Variants in DYNC1LI1 observed in about 807,000 individuals in gnomAD.
The protein encoded by DYNC1LI1 is dynein cytoplasmic 1 light intermediate chain 1.
A neutral mutation model predicts 63.8 loss-of-function variants in DYNC1LI1; 19 were observed. The observed-to-expected ratio is 0.30, with a 90% CI of 0.21 to 0.44. DYNC1LI1 has a LOEUF of 0.44. Among genes scored for constraint, DYNC1LI1 ranks in the 20% least tolerant of loss-of-function variants. The probability of loss-of-function intolerance (pLI) is 1.00; values close to 1 mark genes in which losing one functional copy is unlikely to be tolerated. For synonymous variants in DYNC1LI1, 225 were observed against 232.3 expected, an observed-to-expected ratio of 0.97 and a Z score of 0.28; for missense variants, 565 against 630.2, an observed-to-expected ratio of 0.90 and a Z score of 1.11.
chr3:32,561,903 TA>T (rs989970875), intron 2 of DYNC1LI1, among the ~76,000 whole-genome samples: 9 of 151,024 alleles, frequency 6.0e-5, no homozygotes, highest in African/African-American at 1.2e-4. Flanking sequence ...TACATGACAT[TA>T]AAAAAAAATC....
intron 5 of DYNC1LI1, among the ~76,000 whole-genome samples, chr3:32,540,667 G>A (rs1259063158): frequency 7.7e-6 from 1 of 129,602 alleles, no homozygotes; most frequent in Non-Finnish European, 1.6e-5. Context: ...GGCAACAAGA[G>A]CAAAACTCCG....
Position 32,549,798 on chromosome 3 carries a change from AT to A in DYNC1LI1, c.221-3834del, listed in dbSNP as rs563364766. Among the ~76,000 whole-genome samples, 19 of 152,290 alleles carry A rather than the reference AT, an allele frequency of 1.2e-4. No individual in the cohort carries two copies. The South Asian group carries it at 3.9e-3, about 32-fold the overall frequency. On this transcript the variant is annotated intron_variant, in intron 2 of 12. Transcript: ENST00000273130. ...AAACATATTGTACACAATATACACA[AT>A]TTTTGTCAGTTTTAAAAAAGTGAAA...
chr3:32,541,128 T>G lies in DYNC1LI1; in HGVS notation c.647A>C (p.Gln216Pro). 2.5e-6 allele frequency: 4 copies of G among 1,613,770 alleles called. No individual in the cohort carries two copies. The highest frequency in any genetic ancestry group is 3.4e-6 in the Non-Finnish European group (4 of 1,179,756). ...ASPQRRNTAS[Q>P]EDKDDSVVLP... ...AACTACACTGTCATCTTTGTCTTCT[T>G]GTGACGCAGTATTTCTTCTCTGGGG... is the stretch of plus-strand genomic sequence containing the variant. The change falls in exon 5 of 13, where the codon CAA becomes CCA. Residue 216 changes from glutamine to proline, a missense_variant. Gln to Pro is a moderately conservative substitution (Grantham distance 76). Transcript: ENST00000273130.
At chr3:32,527,701 C>T (rs1283154326) in intron 12 of DYNC1LI1, among the ~76,000 whole-genome samples, 6 of 152,074 alleles carry the variant, frequency 3.9e-5, no homozygotes, top group East Asian at 1.9e-4. Context: ...CACACAAAAA[C>T]GGATGTTCAA....
chr3:32,549,760 T>C (rs961262551), intron 2 of DYNC1LI1, among the ~76,000 whole-genome samples: 10 of 152,184 alleles, frequency 6.6e-5, no homozygotes, highest in African/African-American at 2.4e-4. Context: ...TCCCACAATG[T>C]ACACACATTT....
intron 2 of DYNC1LI1, 128 bp downstream of exon 2, chr3:32,570,218 T>C (rs1474756815): frequency 1.2e-6 from 1 of 809,000 alleles, no homozygotes; most frequent in African/African-American, 1.7e-5. Context: ...CCGCGACAGG[T>C]CGGGAGGCGA....
At chr3:32,544,385 G>C (rs186116320) in intron 4 of DYNC1LI1, among the ~76,000 whole-genome samples, 1 of 152,074 alleles carries the variant, frequency 6.6e-6, no homozygotes, top group South Asian at 2.1e-4. Flanking sequence ...AGGAGAAAAG[G>C]CATCTCTACT....
chr3:32,570,285 G>C, intron 2 of DYNC1LI1, 61 bp downstream of exon 2: 4 of 1,371,528 alleles, frequency 2.9e-6, no homozygotes, highest in Non-Finnish European at 2.0e-6. Flanking sequence ...GCTAGCCCGC[G>C]GACCAGGTAC....
chr3:32,570,794 C>T lies in DYNC1LI1; in HGVS notation c.-24G>A, dbSNP rs367922212. The T allele has an allele frequency of 5.1e-5, 82 of 1,594,376 alleles. No homozygotes were observed. The highest frequency in any genetic ancestry group is 5.0e-4 in the Middle Eastern group (3 of 6,018). On this transcript the variant is annotated 5_prime_UTR_variant, in exon 1 of 13. Transcript: ENST00000273130. The stretch of plus-strand genomic sequence containing the variant: ...ATCTTGGTCGGGAATCACACCACTC[C>T]CGGCAAGACTAAATGTGCGAGGCGG...
chr3:32,542,059 G>A (rs1697889556), intron 4 of DYNC1LI1, among the ~76,000 whole-genome samples: 1 of 152,118 alleles, frequency 6.6e-6, no homozygotes, highest in Non-Finnish European at 1.5e-5. Flanking sequence ...ATAAATAAAA[G>A]AAGGCCAACG....
chr3:32,528,397 T>C (rs1258650094), intron 12 of DYNC1LI1, 49 bp downstream of exon 12: 1 of 1,606,500 alleles, frequency 6.2e-7, no homozygotes, highest in Admixed American at 1.7e-5. Context: ...TCATTATATC[T>C]CAAAAAAGCT....
intron 1 of DYNC1LI1, 35 bp downstream of exon 1, chr3:32,570,590 G>A (rs1221865594): frequency 4.5e-6 from 7 of 1,545,614 alleles, no homozygotes; most frequent in South Asian, 1.2e-5. Context: ...GGCCGGGGGA[G>A]CCAGCGGGGG....
chr3:32,563,484 G>A (rs1698219873), intron 2 of DYNC1LI1, among the ~76,000 whole-genome samples: 1 of 151,924 alleles, frequency 6.6e-6, no homozygotes, highest in Non-Finnish European at 1.5e-5. Context: ...TAGAAATGGG[G>A]TTTCATCATG....
Position 32,570,658 on chromosome 3 carries a change from G to A in DYNC1LI1, c.113C>T (p.Ala38Val), listed in dbSNP as rs1362350843. ...NEIASGNGGAAAGDDEDGQNL... is the reference protein window; with the variant it reads ...NEIASGNGGAVAGDDEDGQNL... The stretch of plus-strand genomic sequence containing the variant: ...CTGCCCGTCCTCGTCGTCGCCTGCC[G>A]CGGCGCCACCGTTGCCCGACGCTAT... The change falls in exon 1 of 13, where the codon GCG (alanine) becomes GTG (valine). Residue 38 changes from alanine to valine, a missense_variant. By Grantham distance (64) the Ala-to-Val change is moderately conservative. Coordinates refer to ENST00000273130, the MANE Select transcript of DYNC1LI1 (RefSeq NM_016141.4). 3 of 1,597,912 alleles carry A rather than the reference G, an allele frequency of 1.9e-6. No individual in the cohort carries two copies. Among genetic ancestry groups the A allele is most frequent in the Non-Finnish European group, 2.6e-6 (3 of 1,172,960 alleles).
At position 32,558,784 on chromosome 3, in the gene DYNC1LI1, T is replaced by G. The variant is rs570355673; in HGVS notation, c.220+11562A>C. ...TCCCTTGAACCCAGGAGGCAGAGGC[T>G]GCGGTAAGCCAAGATCGCACCATTG... On this transcript the variant is annotated intron_variant, in intron 2 of 12. Coordinates refer to ENST00000273130, the MANE Select transcript of DYNC1LI1 (RefSeq NM_016141.4). 1.2e-4 allele frequency among the ~76,000 whole-genome samples: 18 copies of G among 151,536 alleles called. No individual in the cohort carries two copies. The South Asian group carries it at 1.3e-3, about 11-fold the overall frequency.
At chr3:32,549,292 T>C (rs1698000665) in intron 2 of DYNC1LI1, among the ~76,000 whole-genome samples, 1 of 150,732 alleles carries the variant, frequency 6.6e-6, no homozygotes, top group Non-Finnish European at 1.5e-5. Flanking sequence ...AAAATAAGTA[T>C]ATCTAGTTGC....
rs757879119 is a variant in DYNC1LI1 at position 32,570,407 on chromosome 3, G to A, written c.159C>T (p.Leu53=). The A allele has an allele frequency of 6.2e-7, 1 of 1,603,770 alleles. No homozygotes were observed. The highest frequency in any genetic ancestry group is 1.1e-5 in the South Asian group (1 of 89,358). ...EDGQNLWSCI[L]SEVSTRSRSK... ...AGCGCGAGCGGGTGGAGACCTCGCTGAGGATGCAGGACCTAACGGGAAGCA... is the reference window on the plus strand; with the variant it reads ...AGCGCGAGCGGGTGGAGACCTCGCTAAGGATGCAGGACCTAACGGGAAGCA... The change falls in exon 2 of 13, where the codon CTC becomes CTT. Residue 53 remains leucine (L), a synonymous_variant. Transcript: ENST00000273130.
intron 2 of DYNC1LI1, among the ~76,000 whole-genome samples, chr3:32,568,376 T>C (rs937372001): frequency 2.0e-5 from 3 of 152,208 alleles, no homozygotes; most frequent in African/African-American, 7.2e-5. Context: ...GTAACCAGTA[T>C]ACAAATCAGT....
At chr3:32,570,549 G>C in intron 1 of DYNC1LI1, 76 bp downstream of exon 1, 2 of 1,511,978 alleles carry the variant, frequency 1.3e-6, no homozygotes, top group Admixed American at 4.2e-5. Flanking sequence ...CCGAGCTCCA[G>C]CGGGCACGGG....
Sources: allele counts gnomAD v4.1 joint callset (sites outside exome capture counted in the v4.1 genomes callset), GRCh38; gene constraint gnomAD v4.1.1; transcripts MANE v1.5; gene names NCBI Gene and HGNC (gene_info 2026-07-23, HGNC 2026-07-21).